Variants in NDUFA8 observed in about 807,000 individuals in gnomAD.
The protein encoded by NDUFA8 is NADH dehydrogenase [ubiquinone] 1 alpha subcomplex subunit 8.
A neutral mutation model predicts 20.9 loss-of-function variants in NDUFA8; 16 were observed. The ratio of observed to expected loss-of-function variants is 0.77; its 90% CI spans 0.52 to 1.16. The LOEUF (loss-of-function observed/expected upper bound fraction) is 1.16. NDUFA8 is among the 50% of genes most tolerant of loss of function. The pLI is 0.00. For synonymous variants in NDUFA8, 70 were observed against 76.1 expected, an observed-to-expected ratio of 0.92 and a Z score of 0.41; for missense variants, 202 against 216.4, an observed-to-expected ratio of 0.93 and a Z score of 0.42.
rs200528860 is a variant in NDUFA8 at position 122,152,296 on chromosome 9, C to T, written c.164G>A (p.Arg55Gln). The T allele has an allele frequency of 2.5e-4, 399 of 1,614,146 alleles. No individual in the cohort carries two copies. Among genetic ancestry groups the T allele is most frequent in the Middle Eastern group, 3.3e-4 (2 of 6,062 alleles). The part of the protein sequence containing the change: ...LCRWEEKDPR[R>Q]CLEEGKLVNK... ...GACCAGTTTGCCTTCCTCTAAACAC[C>T]GCCTCGGATCTTTCTCTTCCCAGCG... The change falls in exon 2 of 4, where the codon CGG becomes CAG. Residue 55 changes from arginine to glutamine, a missense_variant. Arg to Gln is a conservative substitution (Grantham distance 43). Transcript: ENST00000373768.
chr9:122,136,312 C>G, the NDUFA8 span, among the ~76,000 whole-genome samples: 4 of 152,198 alleles, frequency 2.6e-5, no homozygotes, highest in Non-Finnish European at 1.5e-5. Context: ...AATTACCTTC[C>G]AAACATAATG....
chr9:122,152,911 G>A (rs937560952), intron 1 of NDUFA8, among the ~76,000 whole-genome samples: 1 of 152,044 alleles, frequency 6.6e-6, no homozygotes, highest in African/African-American at 2.4e-5. Context: ...CTTCTGGGAT[G>A]CAGGGAGAGG....
the NDUFA8 span, among the ~76,000 whole-genome samples, chr9:122,132,513 G>A: frequency 6.6e-6 from 1 of 152,172 alleles, no homozygotes; most frequent in Non-Finnish European, 1.5e-5. Context: ...CTGGAGCTGG[G>A]GAGGTGGGGG....
At chr9:122,147,617 A>AAT (rs1828923015) in intron 3 of NDUFA8, among the ~76,000 whole-genome samples, 1 of 106,762 alleles carries the variant, frequency 9.4e-6, no homozygotes, top group South Asian at 3.1e-4. Flanking sequence ...GCCTAAAGAA[A>AAT]TTTTTTTTTT....
chr9:122,138,333 C>T, the NDUFA8 span, among the ~76,000 whole-genome samples: 15 of 152,168 alleles, frequency 9.9e-5, no homozygotes, highest in Admixed American at 7.2e-4. Context: ...TTCTTATTAC[C>T]GCAGCCTAAT....
At chr9:122,144,402 A>G in intron 3 of NDUFA8, 24 bp from the exon 4 acceptor site, 1 of 1,608,868 alleles carries the variant, frequency 6.2e-7, no homozygotes. Context: ...AGAGGGCAAA[A>G]GCAAAGTTGA....
downstream of NDUFA8, among the ~76,000 whole-genome samples, chr9:122,142,267 T>C (rs1276376490): frequency 6.6e-6 from 1 of 152,192 alleles, no homozygotes; most frequent in African/African-American, 2.4e-5. Context: ...ATCAGATGTA[T>C]CTGGGTTTAA....
chr9:122,144,576 G>A (rs1418231685), intron 3 of NDUFA8, among the ~76,000 whole-genome samples, 198 bp from the exon 4 acceptor site: 1 of 152,200 alleles, frequency 6.6e-6, no homozygotes, highest in East Asian at 1.9e-4. Context: ...GTCATTCCAT[G>A]TGGTAGAAAC....
At chr9:122,138,634 A>G in the NDUFA8 span, among the ~76,000 whole-genome samples, 1 of 152,188 alleles carries the variant, frequency 6.6e-6, no homozygotes, top group African/African-American at 2.4e-5. Flanking sequence ...TTCAACAAAC[A>G]GTTATCAGGC....
chr9:122,158,615 C>G (rs1255901852), intron 1 of NDUFA8, among the ~76,000 whole-genome samples: 1 of 151,808 alleles, frequency 6.6e-6, no homozygotes, highest in African/African-American at 2.4e-5. Flanking sequence ...TTTCTACTCT[C>G]GGGGACTAAT....
At chr9:122,148,308 CTT>C in intron 2 of NDUFA8, 31 bp from the exon 3 acceptor site, 1 of 1,612,296 alleles carries the variant, frequency 6.2e-7, no homozygotes, top group South Asian at 1.1e-5. Flanking sequence ...AGGGGCATCT[CTT>C]TGCAAAACAA....
chr9:122,150,193 C>T (rs1828971025), intron 2 of NDUFA8, among the ~76,000 whole-genome samples: 1 of 151,292 alleles, frequency 6.6e-6, no homozygotes, highest in Admixed American at 6.6e-5. Context: ...GAGGCCAAGG[C>T]AGGTGGATCA....
chr9:122,151,986 T>C (rs1429133153), intron 2 of NDUFA8, among the ~76,000 whole-genome samples: 2 of 152,228 alleles, frequency 1.3e-5, no homozygotes, highest in East Asian at 3.8e-4. Flanking sequence ...GTAGCAAAAA[T>C]GGTCACCAGT....
Position 122,148,284 on chromosome 9 carries a change from A to C in NDUFA8, c.216-7T>G, listed in dbSNP as rs540387595. On this transcript the variant is annotated splice_region_variant and splice_polypyrimidine_tract_variant and intron_variant, in intron 2 of 3. Transcript: ENST00000373768. Reference sequence around the variant, plus strand: ...ACAGTGACGTTTTATCTGCCTGGAAAAGAAAGCTGGGTTAGGGGCATCTCT... The same window carrying C: ...ACAGTGACGTTTTATCTGCCTGGAACAGAAAGCTGGGTTAGGGGCATCTCT... 6.2e-7 allele frequency: 1 copy of C among 1,614,184 alleles called. No homozygotes were observed. Among genetic ancestry groups the C allele is most frequent in the South Asian group, 1.1e-5 (1 of 91,084 alleles).
the NDUFA8 span, among the ~76,000 whole-genome samples, chr9:122,136,559 A>ATT: frequency 5.4e-5 from 8 of 146,800 alleles, no homozygotes; most frequent in African/African-American, 1.0e-4. Context: ...GCGTTCGTAG[A>ATT]TTTTTTTTTT....
At position 122,144,108 on chromosome 9, in the gene NDUFA8, G is replaced by C; in HGVS notation, c.*133C>G. 1 of 1,543,944 alleles carries C rather than the reference G, an allele frequency of 6.5e-7. No individual in the cohort carries two copies. The highest frequency in any genetic ancestry group is 2.4e-5 in the East Asian group (1 of 41,732). The stretch of plus-strand genomic sequence containing the variant: ...GGAAATGGTATAGAATAACTGCCAA[G>C]TCACATAAGTTAACTTTTTTGTTAA... On this transcript the variant is annotated 3_prime_UTR_variant, in exon 4 of 4. Coordinates refer to ENST00000373768, the MANE Select transcript of NDUFA8 (RefSeq NM_014222.3).
downstream of NDUFA8, among the ~76,000 whole-genome samples, chr9:122,139,519 G>A (rs1160389875): frequency 6.6e-6 from 1 of 152,164 alleles, no homozygotes; most frequent in Non-Finnish European, 1.5e-5. Context: ...GTCTAGAAAG[G>A]CAGGCTGCAA....
the NDUFA8 span, among the ~76,000 whole-genome samples, chr9:122,133,563 G>T: frequency 1.3e-5 from 2 of 152,224 alleles, no homozygotes; most frequent in Admixed American, 6.5e-5. Flanking sequence ...TCAGAAACAG[G>T]GGAATCAGTG....
chr9:122,143,945 G>A (rs952152670), downstream of NDUFA8: 2 of 681,680 alleles, frequency 2.9e-6, no homozygotes, highest in Non-Finnish European at 2.1e-6. Context: ...AGCCACATGA[G>A]CGAGTGCCTA....
Sources: gnomAD v4.1 joint callset for allele counts (sites outside exome capture counted in the v4.1 genomes callset) on GRCh38, gnomAD v4.1.1 for gene constraint, MANE v1.5 for transcripts, NCBI Gene and HGNC (gene_info 2026-07-23, HGNC 2026-07-21) for gene names.